Variants in FGGY observed in about 807,000 individuals in gnomAD.
FGGY encodes the protein FGGY carbohydrate kinase domain containing.
FGGY carries 72 observed loss-of-function variants against 71.3 expected under a neutral mutation model. The ratio of observed to expected loss-of-function variants is 1.01; its 90% CI spans 0.84 to 1.23. The LOEUF is 1.23. Among genes scored for constraint, FGGY ranks in the 50% most tolerant of loss-of-function variants. The pLI, the probability that FGGY is intolerant of heterozygous loss-of-function variation, is 0.00. For synonymous variants in FGGY, 251 were observed against 250.3 expected, an observed-to-expected ratio of 1.00 and a Z score of -0.02; for missense variants, 668 against 682.3, an observed-to-expected ratio of 0.98 and a Z score of 0.23.
intron 4 of FGGY, among the ~76,000 whole-genome samples, chr1:59,372,500 T>C (rs1167124881): frequency 6.6e-6 from 1 of 152,160 alleles, no homozygotes; most frequent in Non-Finnish European, 1.5e-5. Flanking sequence ...GCTGGTACCA[T>C]TCCTTCTGAA....
At chr1:59,717,111 A>T (rs2097850992) in intron 14 of FGGY, among the ~76,000 whole-genome samples, 1 of 152,158 alleles carries the variant, frequency 6.6e-6, no homozygotes, top group South Asian at 2.1e-4. Context: ...TGTTTTACAG[A>T]TATGAAAATT....
chr1:59,527,110 A>C (rs934368861), intron 7 of FGGY, among the ~76,000 whole-genome samples: 1 of 152,242 alleles, frequency 6.6e-6, no homozygotes, highest in Non-Finnish European at 1.5e-5. Flanking sequence ...AATATCTGGA[A>C]TATTCTTCGT....
intron 4 of FGGY, among the ~76,000 whole-genome samples, chr1:59,373,687 T>G (rs1040050710): frequency 4.8e-4 from 73 of 152,254 alleles, no homozygotes; most frequent in Middle Eastern, 3.4e-3. Context: ...CAAAACAGCA[T>G]GGTACTGGTA....
At chr1:59,451,877 A>G (rs1306460977) in intron 5 of FGGY, among the ~76,000 whole-genome samples, 1 of 152,144 alleles carries the variant, frequency 6.6e-6, no homozygotes, top group East Asian at 1.9e-4. Context: ...GCTAGGATTA[A>G]TCCTTTGTAA....
At position 59,762,638 on chromosome 1, in the gene FGGY, T is replaced by TTC. The variant is rs10626387; in HGVS notation, c.*55_*56insCT. 1,105,145 of 1,304,756 alleles carry TTC rather than the reference T, an allele frequency of 0.85. 470,491 individuals are homozygous for TTC. The highest frequency in any genetic ancestry group is 1 in the East Asian group (42,509 of 42,528). The allele number at this position is 1,304,756 out of a possible 1,614,324, so 80.8% of individuals were successfully genotyped here. ...GCTTCTGTGCCATTGCATTAAAGAC[T>TTC]TGTCATTTGATCCATGTTCAAGACC... On this transcript the variant is annotated 3_prime_UTR_variant, in exon 16 of 16. Transcript: ENST00000303721.
chr1:59,341,968 G>C (rs546647309), intron 3 of FGGY, among the ~76,000 whole-genome samples: 2 of 152,122 alleles, frequency 1.3e-5, no homozygotes, highest in African/African-American at 4.8e-5. Context: ...TGGCACGAGT[G>C]GGGTGGTGTT....
chr1:59,691,101 A>G (rs923681534), intron 14 of FGGY, among the ~76,000 whole-genome samples: 10 of 152,204 alleles, frequency 6.6e-5, no homozygotes, highest in Admixed American at 1.3e-4. Context: ...AGAAAACAGA[A>G]GGTGAACTGT....
intron 10 of FGGY, among the ~76,000 whole-genome samples, chr1:59,629,727 T>C (rs1433540386): frequency 6.6e-6 from 1 of 152,202 alleles, no homozygotes; most frequent in Non-Finnish European, 1.5e-5. Context: ...GCACTAAATT[T>C]ATAGTCTGGA....
intron 8 of FGGY, among the ~76,000 whole-genome samples, chr1:59,565,576 G>A (rs572494798): frequency 1.4e-4 from 21 of 152,258 alleles, no homozygotes; most frequent in African/African-American, 4.8e-4. Flanking sequence ...GAGCCACCGC[G>A]CCTGGCCGTA....
At chr1:59,477,034 A>C (rs2093295932) in intron 6 of FGGY, among the ~76,000 whole-genome samples, 1 of 152,168 alleles carries the variant, frequency 6.6e-6, no homozygotes, top group African/African-American at 2.4e-5. Context: ...GTTTTTTGAA[A>C]GTTATTGACT....
At chr1:59,472,882 G>T (rs1223657392) in intron 6 of FGGY, among the ~76,000 whole-genome samples, 1 of 151,944 alleles carries the variant, frequency 6.6e-6, no homozygotes, top group East Asian at 1.9e-4. Context: ...TCTAGCTCAG[G>T]GTTTGTGAAT....
At chr1:59,338,493 T>G (rs1287544280) in intron 2 of FGGY, among the ~76,000 whole-genome samples, 1 of 152,172 alleles carries the variant, frequency 6.6e-6, no homozygotes, top group Non-Finnish European at 1.5e-5. Flanking sequence ...GGGAATGTTT[T>G]AAGCACAAAT....
intron 4 of FGGY, among the ~76,000 whole-genome samples, chr1:59,356,973 A>G (rs1202494310): frequency 6.6e-6 from 1 of 152,148 alleles, no homozygotes; most frequent in Non-Finnish European, 1.5e-5. Context: ...CATCTTCTCA[A>G]TCAGAAAGAC....
At chr1:59,548,709 T>C (rs774249210) in intron 7 of FGGY, among the ~76,000 whole-genome samples, 20 of 152,178 alleles carry the variant, frequency 1.3e-4, no homozygotes, top group Non-Finnish European at 1.9e-4. Flanking sequence ...GAATAAAAAA[T>C]TCAGTCCTCA....
chr1:59,627,454 T>TTATATG (rs2096867554), intron 10 of FGGY, among the ~76,000 whole-genome samples: 1 of 97,334 alleles, frequency 1.0e-5, no homozygotes, highest in East Asian at 2.7e-4. Flanking sequence ...ACTTATGATT[T>TTATATG]TATATATATA....
At chr1:59,433,746 C>G (rs530539521) in intron 5 of FGGY, among the ~76,000 whole-genome samples, 1 of 152,180 alleles carries the variant, frequency 6.6e-6, no homozygotes, top group South Asian at 2.1e-4. Flanking sequence ...TCTCATTCTT[C>G]GCCAGCTCCG....
intron 7 of FGGY, among the ~76,000 whole-genome samples, chr1:59,542,216 C>G (rs923304129): frequency 6.6e-6 from 1 of 152,154 alleles, no homozygotes; most frequent in Non-Finnish European, 1.5e-5. Context: ...CTGCCTCTGC[C>G]ATGTCGTTGG....
intron 5 of FGGY, among the ~76,000 whole-genome samples, chr1:59,390,767 C>T (rs1033104418): frequency 6.6e-6 from 1 of 152,082 alleles, no homozygotes; most frequent in Non-Finnish European, 1.5e-5. Context: ...TTACATTGAC[C>T]AGTATCACAG....
intron 5 of FGGY, among the ~76,000 whole-genome samples, chr1:59,400,480 T>A (rs1316543599): frequency 6.6e-6 from 1 of 152,042 alleles, no homozygotes; most frequent in Non-Finnish European, 1.5e-5. Flanking sequence ...TTAAAATTTG[T>A]AATTTTAAAG....
Sources: gnomAD v4.1 joint callset for allele counts (sites outside exome capture counted in the v4.1 genomes callset) on GRCh38, gnomAD v4.1.1 for gene constraint, MANE v1.5 for transcripts, NCBI Gene and HGNC (gene_info 2026-07-23, HGNC 2026-07-21) for gene names.